The following ABCA13 variants were observed in gnomAD, a reference collection of about 807,000 sequenced individuals.
ABCA13 encodes ATP binding cassette subfamily A member 13.
ABCA13 carries 476 observed loss-of-function variants against 478.7 expected under a neutral mutation model. The observed-to-expected ratio is 0.99, with a 90% confidence interval of 0.92 to 1.07. ABCA13 has a LOEUF of 1.07. Ranked by LOEUF, ABCA13 falls within the 50% of genes least tolerant of loss-of-function variation. The pLI, the probability that ABCA13 is intolerant of heterozygous loss-of-function variation, is 0.00. For missense variants in ABCA13, 6,060 were observed against 5,910.6 expected, an observed-to-expected ratio of 1.03 and a Z score of -0.83; for synonymous variants, 2,252 against 2,158.9, an observed-to-expected ratio of 1.04 and a Z score of -1.20.
intron 55 of ABCA13, among the ~76,000 whole-genome samples, chr7:48,571,488 T>TA (rs1341418305): frequency 1.3e-5 from 2 of 152,070 alleles, no homozygotes; most frequent in Admixed American, 6.5e-5. Context: ...GGCTAGCTTT[T>TA]TTTTTTTCTT....
At position 48,428,557 on chromosome 7, in the gene ABCA13, G is replaced by A. The variant is rs536704811; in HGVS notation, c.12565+686G>A. Among the ~76,000 whole-genome samples, 6 of 152,280 alleles carry A rather than the reference G, an allele frequency of 3.9e-5. No individual in the cohort carries two copies. In the East Asian group the frequency reaches 1.2e-3, roughly 29 times the overall value. On this transcript the variant is annotated intron_variant, in intron 42 of 61. Transcript: ENST00000435803. The stretch of plus-strand genomic sequence containing the variant: ...ACTAGGCACATGAACCCATGAATAA[G>A]TAACTAGAATTAAATATGTTATAAC...
Position 48,245,910 on chromosome 7 carries a change from G to A in ABCA13, c.1539G>A (p.Lys513=). The A allele has an allele frequency of 6.2e-7, 1 of 1,613,700 alleles. No individual in the cohort carries two copies. The highest frequency in any genetic ancestry group is 1.3e-5 in the African/African-American group (1 of 75,022). The change falls in exon 13 of 62, where the codon AAG becomes AAA. Residue 513 remains lysine, a synonymous_variant. Coordinates refer to ENST00000435803, the MANE Select transcript of ABCA13 (RefSeq NM_152701.5). The part of the protein sequence containing the change: ...AVCPNGRFSE[K]EVFLPPGNSS... Reference sequence around the variant, plus strand: ...GCCCGAATGGTCGTTTCTCTGAGAAGGAGGTCTTTTTGCCGCCTGGAAACT... The same window carrying A: ...GCCCGAATGGTCGTTTCTCTGAGAAAGAGGTCTTTTTGCCGCCTGGAAACT...
At chr7:48,231,875 T>A (rs988676707) in intron 7 of ABCA13, among the ~76,000 whole-genome samples, 1 of 152,114 alleles carries the variant, frequency 6.6e-6, no homozygotes, top group Non-Finnish European at 1.5e-5. Flanking sequence ...TTGGCCAGGC[T>A]GGTCTCAAAC....
At chr7:48,458,884 G>T (rs769968689) in intron 43 of ABCA13, among the ~76,000 whole-genome samples, 14 of 152,172 alleles carry the variant, frequency 9.2e-5, no homozygotes, top group Non-Finnish European at 1.5e-4. Flanking sequence ...GGGCTGTAAA[G>T]ATGCTTGTTT....
chr7:48,451,818 C>T (rs913005274), intron 42 of ABCA13, among the ~76,000 whole-genome samples: 1 of 152,068 alleles, frequency 6.6e-6, no homozygotes, highest in African/African-American at 2.4e-5. Context: ...GCCAAGTGAC[C>T]AAAAGAAAAA....
rs1795495042 is a variant in ABCA13, at chr7:48,647,472, A to G, written c.*1960A>G. The G allele has an allele frequency of 6.6e-6, 1 of 152,366 alleles. No homozygotes were observed. The highest frequency in any genetic ancestry group is 1.9e-4 in the East Asian group (1 of 5,190). 9.4% of individuals were successfully genotyped at this position (152,366 alleles called of 1,614,324 possible). ...AATGTGTTTAAACTGCAGTGAATAA[A>G]TGAGATGTGCTTTAATTTAACCCGA... On this transcript the variant is annotated 3_prime_UTR_variant, in exon 62 of 62. Transcript: ENST00000435803.
intron 56 of ABCA13, among the ~76,000 whole-genome samples, chr7:48,586,228 G>A (rs1471496419): frequency 6.6e-6 from 1 of 152,094 alleles, no homozygotes; most frequent in Non-Finnish European, 1.5e-5. Flanking sequence ...CCATCCTTGG[G>A]TCTTGGCAAA....
chr7:48,637,676 G>T (rs1794783728), intron 59 of ABCA13, among the ~76,000 whole-genome samples: 1 of 152,058 alleles, frequency 6.6e-6, no homozygotes, highest in Non-Finnish European at 1.5e-5. Flanking sequence ...TGGTGACAAT[G>T]ATATAATGCT....
intron 27 of ABCA13, among the ~76,000 whole-genome samples, chr7:48,326,806 G>A (rs1339704286): frequency 6.6e-6 from 1 of 152,198 alleles, no homozygotes; most frequent in African/African-American, 2.4e-5. Flanking sequence ...AAGGAGATGT[G>A]GAGTCCCAGT....
chr7:48,231,977 A>G (rs1418005602), intron 7 of ABCA13, among the ~76,000 whole-genome samples: 1 of 151,892 alleles, frequency 6.6e-6, no homozygotes, highest in African/African-American at 2.4e-5. Flanking sequence ...CTATTGTACA[A>G]TGAGATTGTT....
Position 48,392,014 on chromosome 7 carries a change from G to A in ABCA13, c.11748G>A (p.Glu3916=). 1 of 1,614,040 alleles carries A rather than the reference G, an allele frequency of 6.2e-7. No individual in the cohort carries two copies. The highest frequency in any genetic ancestry group is 8.5e-7 in the Non-Finnish European group (1 of 1,179,896). ...CAGACCTGTCGAGGGTCAGAATGGAGCTTGGTGTGTGTCCGCAGCAGGACA... is the reference window on the plus strand; with the variant it reads ...CAGACCTGTCGAGGGTCAGAATGGAACTTGGTGTGTGTCCGCAGCAGGACA... ...LQTDLSRVRM[E]LGVCPQQDIL... Residue 3916 remains glutamate, a synonymous_variant, in exon 38 of 62, where the codon GAG becomes GAA. Coordinates refer to ENST00000435803, the MANE Select transcript of ABCA13 (RefSeq NM_152701.5).
chr7:48,401,101 A>G (rs1563190729), intron 38 of ABCA13, among the ~76,000 whole-genome samples: 1 of 152,206 alleles, frequency 6.6e-6, no homozygotes, highest in Non-Finnish European at 1.5e-5. Flanking sequence ...TTTTAACAAT[A>G]TATGCTATCT....
chr7:48,272,232 C>T lies in ABCA13; in HGVS notation c.2566C>T (p.Leu856Phe), dbSNP rs374701579. 38 of 1,612,028 alleles carry T rather than the reference C, an allele frequency of 2.4e-5. No homozygotes were observed. The highest frequency in any genetic ancestry group is 1.2e-4 in the Admixed American group (7 of 59,612). Residue 856 changes from leucine to phenylalanine, a missense_variant, in exon 17 of 62, where the codon CTT (leucine) becomes TTT (phenylalanine). Coordinates refer to ENST00000435803, the MANE Select transcript of ABCA13 (RefSeq NM_152701.5). The part of the protein sequence containing the change: ...KRAKLENFFT[L>F]LNFSVPENEI... ...AGCTAAATTGGAAAACTTCTTTACACTTTTAAATTTTTCTGTTCCAGAAAA... is the reference window on the plus strand; with the variant it reads ...AGCTAAATTGGAAAACTTCTTTACATTTTTAAATTTTTCTGTTCCAGAAAA...
intron 29 of ABCA13, among the ~76,000 whole-genome samples, chr7:48,345,633 A>C (rs1457159047): frequency 6.6e-6 from 1 of 152,242 alleles, no homozygotes. Flanking sequence ...TTTTAAGCTA[A>C]GTATGATTAC....
chr7:48,591,387 A>G (rs528393755), intron 57 of ABCA13, among the ~76,000 whole-genome samples: 2 of 152,108 alleles, frequency 1.3e-5, no homozygotes, highest in East Asian at 3.9e-4. Context: ...GCATAGTAGT[A>G]TATTTTGAAA....
chr7:48,550,288 G>A (rs1014940935), intron 55 of ABCA13, among the ~76,000 whole-genome samples: 4 of 134,598 alleles, frequency 3.0e-5, no homozygotes, highest in Admixed American at 8.2e-5. Context: ...ATGGAGTCTC[G>A]CTCTGTTGCC....
rs902778110 is a variant in ABCA13 at position 48,274,393 on chromosome 7, A to T, written c.4727A>T (p.Asn1576Ile). 2.5e-6 allele frequency: 4 copies of T among 1,612,662 alleles called. No homozygotes were observed. The East Asian group carries it at 8.9e-5, about 36-fold the overall frequency. Residue 1576 changes from asparagine (N) to isoleucine (I), a missense_variant, in exon 17 of 62, where the codon AAC becomes ATC. This residue lies in a region of ABCA13 where 4,423 missense variants were observed against 4,309.1 expected (regional missense o/e 1.03). Transcript: ENST00000435803. ...LENNSSSKTE[N>I]LLNIFATSPK... Reference sequence around the variant, plus strand: ...AATAATTCCTCTTCTAAAACTGAAAACTTGTTAAACATATTTGCCACCAGT... The same window carrying T: ...AATAATTCCTCTTCTAAAACTGAAATCTTGTTAAACATATTTGCCACCAGT...
chr7:48,422,193 G>GT (rs898400373), intron 41 of ABCA13, among the ~76,000 whole-genome samples: 5 of 150,100 alleles, frequency 3.3e-5, no homozygotes, highest in Non-Finnish European at 7.4e-5. Flanking sequence ...GTTTGTTGTT[G>GT]TTTTTTTCTT....
chr7:48,296,190 G>A (rs1016360525), intron 21 of ABCA13, among the ~76,000 whole-genome samples: 5 of 152,250 alleles, frequency 3.3e-5, no homozygotes, highest in African/African-American at 1.2e-4. Context: ...AGGAATTTGA[G>A]ACCAACCTGG....
Sources: gnomAD v4.1 joint callset for allele counts (sites outside exome capture counted in the v4.1 genomes callset) on GRCh38, gnomAD v4.1.1 for gene constraint, gnomAD v4.1.1 regional missense constraint, MANE v1.5 for transcripts, NCBI Gene and HGNC (gene_info 2026-07-23, HGNC 2026-07-21) for gene names.